TMEM67: variants seen among roughly 807,000 people sequenced by gnomAD.
TMEM67 encodes the protein transmembrane protein 67, also known as meckelin.
In TMEM67, 124 loss-of-function variants were observed where a neutral mutation model predicts 136.6. The ratio of observed to expected loss-of-function variants is 0.91; its 90% CI spans 0.78 to 1.05. The LOEUF (loss-of-function observed/expected upper bound fraction) is 1.05. TMEM67 is among the 50% of genes least tolerant of loss of function. TMEM67 has a pLI of 0.00. For missense variants in TMEM67, 1,107 were observed against 1,178.4 expected, an observed-to-expected ratio of 0.94 and a Z score of 0.89; for synonymous variants, 364 against 390.5, an observed-to-expected ratio of 0.93 and a Z score of 0.80.
chr8:93,775,960 C>A (rs1329264867), intron 7 of TMEM67, among the ~76,000 whole-genome samples: 1 of 152,122 alleles, frequency 6.6e-6, no homozygotes, highest in African/African-American at 2.4e-5. Flanking sequence ...GCCATTTTCA[C>A]GATATTGATT....
At chr8:93,829,382 C>CTCTCTCTCTGTG in the TMEM67 span, among the ~76,000 whole-genome samples, 1 of 137,504 alleles carries the variant, frequency 7.3e-6, no homozygotes, top group African/African-American at 2.9e-5. Flanking sequence ...CTCTCTCTCT[C>CTCTCTCTCTGTG]TGTGTGTGTG....
chr8:93,797,718 A>G (rs549031717), intron 20 of TMEM67, among the ~76,000 whole-genome samples: 99 of 152,320 alleles, frequency 6.5e-4, no homozygotes, highest in African/African-American at 2.3e-3. Context: ...ACAGTGGCTC[A>G]TGCCTGTAAT....
At chr8:93,820,532 C>A (rs750709146), downstream of TMEM67, among the ~76,000 whole-genome samples, 17 of 152,146 alleles carry the variant, frequency 1.1e-4, no homozygotes, top group Non-Finnish European at 1.6e-4. Context: ...AGAGCACAGA[C>A]CCTGGAGCCA....
chr8:93,791,190 GTA>G, intron 14 of TMEM67, 71 bp from the exon 15 acceptor site: 1 of 1,008,638 alleles, frequency 9.9e-7, no homozygotes, highest in South Asian at 1.4e-5. Context: ...AGCTACAAAT[GTA>G]TTTTTATAAC....
At chr8:93,831,892 C>T in the TMEM67 span, among the ~76,000 whole-genome samples, 5 of 152,294 alleles carry the variant, frequency 3.3e-5, no homozygotes, top group African/African-American at 1.2e-4. Context: ...GCACCATTAA[C>T]ATTAGACAAC....
In TMEM67 at chr8:93,793,311, G is replaced by GT. The variant is rs758991042; in HGVS notation, c.1674+21dup. 1 of 1,587,974 alleles carries GT rather than the reference G, an allele frequency of 6.3e-7. No homozygotes were observed. The highest frequency in any genetic ancestry group is 1.1e-5 in the South Asian group (1 of 90,562). ...TTGATTTACAGGTATAATCTCAGGA[G>GT]TTTTTTAAGAATATTTTTATCTTTT... On this transcript the variant is annotated intron_variant, in intron 16 of 27. Transcript: ENST00000453321.
In TMEM67 at chr8:93,795,594, G is replaced by T. The variant is rs983956853; in HGVS notation, c.1773+87G>T. ...ATAAAGGAACTATTTTTATTTGAGA[G>T]AATTTTTGATCAACAGTATTAAGAA... On this transcript the variant is annotated intron_variant, in intron 17 of 27. Transcript: ENST00000453321. 5 of 1,230,554 alleles carry T rather than the reference G, an allele frequency of 4.1e-6. No homozygotes were observed. The African/African-American group carries it at 7.5e-5, about 18-fold the overall frequency. 76.2% of individuals were successfully genotyped at this position (1,230,554 alleles called of 1,614,324 possible). A position where few individuals can be genotyped will look rare whatever the true frequency, so the allele number is the denominator to read the frequency against.
At chr8:93,796,101 A>G in intron 18 of TMEM67, 114 bp downstream of exon 18, 1 of 763,574 alleles carries the variant, frequency 1.3e-6, no homozygotes, top group Non-Finnish European at 2.3e-6. Flanking sequence ...TTGGTTTTGA[A>G]AGAAAGCATT....
chr8:93,811,401 A>G (rs956257623), intron 26 of TMEM67: 18 of 152,282 alleles, frequency 1.2e-4, no homozygotes, highest in Admixed American at 2.6e-4. Flanking sequence ...TACAAACTTT[A>G]TAAAGTCTGA....
the TMEM67 span, among the ~76,000 whole-genome samples, chr8:93,826,371 C>A: frequency 2.0e-5 from 3 of 151,808 alleles, no homozygotes; most frequent in South Asian, 6.2e-4. Context: ...CCTCATGATC[C>A]GCCCGCCTCG....
At chr8:93,805,303 G>T (rs1279367467) in intron 23 of TMEM67, among the ~76,000 whole-genome samples, 2 of 152,070 alleles carry the variant, frequency 1.3e-5, no homozygotes, top group Non-Finnish European at 2.9e-5. Flanking sequence ...GCTAAGGACT[G>T]CCAGGCATGG....
At chr8:93,804,405 C>T (rs1815021638) in intron 22 of TMEM67, among the ~76,000 whole-genome samples, 1 of 142,454 alleles carries the variant, frequency 7.0e-6, no homozygotes, top group Non-Finnish European at 1.5e-5. Context: ...ACCTTGACCT[C>T]CTGAGTTCAA....
In TMEM67 at chr8:93,765,663, T is replaced by G. The variant is rs926157464; in HGVS notation, c.651+17T>G. ...GGAGAAGTTGTGAGTATGTTTCAAT[T>G]TTTTTGTTCTGTTGTTAAAAAACTT... On this transcript the variant is annotated intron_variant, in intron 6 of 27. Transcript: ENST00000453321. 1 of 1,583,672 alleles carries G rather than the reference T, an allele frequency of 6.3e-7. No individual in the cohort carries two copies. The highest frequency in any genetic ancestry group is 1.3e-5 in the African/African-American group (1 of 74,264).
intron 3 of TMEM67, among the ~76,000 whole-genome samples, chr8:93,762,482 C>T (rs1451730375): frequency 1.3e-5 from 2 of 151,778 alleles, no homozygotes; most frequent in Non-Finnish European, 2.9e-5. Context: ...CAGGTGTGAG[C>T]CACCATGCCT....
At chr8:93,797,543 T>C in intron 20 of TMEM67, 73 bp downstream of exon 20, 1 of 1,425,326 alleles carries the variant, frequency 7.0e-7, no homozygotes, top group Non-Finnish European at 9.8e-7. Context: ...TAATTCCAAC[T>C]AAGTTTTCAT....
rs76688994 is a variant in TMEM67, at chr8:93,815,772, C to T, written c.2907+325C>T. Among the ~76,000 whole-genome samples, 1,242 of 152,236 alleles carry T rather than the reference C, an allele frequency of 8.2e-3. 6 individuals are homozygous for T. The highest frequency in any genetic ancestry group is 0.011 in the Admixed American group (173 of 15,290). The stretch of plus-strand genomic sequence containing the variant: ...TAATTAGAGTCCCATCCACCCTCTC[C>T]AGACGTTAAGTAACAAAAAAACAAG... On this transcript the variant is annotated intron_variant, in intron 27 of 27. Coordinates refer to ENST00000453321, the MANE Select transcript of TMEM67 (RefSeq NM_153704.6).
At chr8:93,760,024 C>A (rs1202853324) in intron 3 of TMEM67, 1 of 1,425,656 alleles carries the variant, frequency 7.0e-7, no homozygotes, top group African/African-American at 1.5e-5. Flanking sequence ...TGAAGGCAGG[C>A]TTTTAAGTGA....
chr8:93,789,080 G>A (rs1175677518), intron 14 of TMEM67, among the ~76,000 whole-genome samples: 1 of 152,178 alleles, frequency 6.6e-6, no homozygotes, highest in African/African-American at 2.4e-5. Context: ...GAGAAGTAGA[G>A]CATAAGCATT....
rs549560865 is a variant in TMEM67, at chr8:93,792,421, G to A, written c.1576-777G>A. 1.1e-4 allele frequency among the ~76,000 whole-genome samples: 16 copies of A among 152,094 alleles called. No individual in the cohort carries two copies. In the East Asian group the frequency reaches 1.2e-3, roughly 11 times the overall value. On this transcript the variant is annotated intron_variant, in intron 15 of 27. Coordinates refer to ENST00000453321, the MANE Select transcript of TMEM67 (RefSeq NM_153704.6). Reference sequence around the variant, plus strand: ...ACTCCTGACCTCAGGCAATCCGCCCGTCTCGGCCTCCCAAAATGCTGGGAT... The same window carrying A: ...ACTCCTGACCTCAGGCAATCCGCCCATCTCGGCCTCCCAAAATGCTGGGAT...
Sources: gnomAD v4.1 joint callset for allele counts (sites outside exome capture counted in the v4.1 genomes callset) on GRCh38, gnomAD v4.1.1 for gene constraint, MANE v1.5 for transcripts, NCBI Gene and HGNC (gene_info 2026-07-23, HGNC 2026-07-21) for gene names.